ATP10B: variants seen among roughly 807,000 people sequenced by gnomAD.
The protein encoded by ATP10B is ATPase phospholipid transporting 10B (putative).
In ATP10B, 122 loss-of-function variants were observed where a neutral mutation model predicts 141.2. The observed-to-expected ratio is 0.86, with a 90% CI of 0.75 to 1.00. The LOEUF is 1.00. Among genes scored for constraint, ATP10B ranks in the 50% least tolerant of loss-of-function variants. The pLI is 0.00. For synonymous variants in ATP10B, 685 were observed against 692.0 expected, an observed-to-expected ratio of 0.99 and a Z score of 0.16; for missense variants, 1,876 against 1,825.3, an observed-to-expected ratio of 1.03 and a Z score of -0.51.
chr5:160,760,847 C>T (rs901087627), intron 2 of ATP10B, among the ~76,000 whole-genome samples: 5 of 152,170 alleles, frequency 3.3e-5, no homozygotes, highest in Non-Finnish European at 7.3e-5. Flanking sequence ...CCTTATCCCC[C>T]ACAGTGGCCG....
intron 8 of ATP10B, among the ~76,000 whole-genome samples, chr5:160,647,314 G>A (rs1254769209): frequency 1.3e-5 from 2 of 152,158 alleles, no homozygotes; most frequent in Non-Finnish European, 2.9e-5. Context: ...AGGCCTGAGG[G>A]TGTTCTTGCT....
At chr5:160,824,001 T>C (rs1774381187) in intron 1 of ATP10B, among the ~76,000 whole-genome samples, 1 of 152,086 alleles carries the variant, frequency 6.6e-6, no homozygotes, top group African/African-American at 2.4e-5. Context: ...ATATTTCCAG[T>C]ATTAGACATA....
chr5:160,895,765 T>C, the ATP10B span, among the ~76,000 whole-genome samples: 2 of 152,016 alleles, frequency 1.3e-5, no homozygotes, highest in African/African-American at 2.4e-5. Context: ...GCACCACATA[T>C]CACTTATTGT....
intron 2 of ATP10B, among the ~76,000 whole-genome samples, chr5:160,733,447 T>G (rs1766874756): frequency 6.6e-6 from 1 of 152,132 alleles, no homozygotes; most frequent in Middle Eastern, 3.4e-3. Context: ...AATTACAGAT[T>G]CAAGATGTTC....
chr5:160,841,380 T>C (rs1775799976), intron 1 of ATP10B, among the ~76,000 whole-genome samples: 1 of 152,172 alleles, frequency 6.6e-6, no homozygotes, highest in African/African-American at 2.4e-5. Flanking sequence ...GTACATCTAC[T>C]TATCTTTACA....
chr5:160,880,868 C>T, the ATP10B span, among the ~76,000 whole-genome samples: 4 of 152,198 alleles, frequency 2.6e-5, 1 homozygote, highest in South Asian at 6.2e-4. Context: ...ACCTAGATGA[C>T]CCCAGGTATG....
the ATP10B span, among the ~76,000 whole-genome samples, chr5:160,914,266 A>C: frequency 1.3e-5 from 2 of 152,136 alleles, no homozygotes; most frequent in African/African-American, 4.8e-5. Flanking sequence ...AGAGGTCATA[A>C]AACACTACCC....
At chr5:160,899,513 T>C in the ATP10B span, among the ~76,000 whole-genome samples, 7 of 152,140 alleles carry the variant, frequency 4.6e-5, no homozygotes, top group Non-Finnish European at 1.0e-4. Flanking sequence ...ACAAATTGTA[T>C]GTTTTTAATA....
chr5:160,723,445 C>A (rs529886158), intron 2 of ATP10B, among the ~76,000 whole-genome samples: 3 of 152,262 alleles, frequency 2.0e-5, no homozygotes, highest in South Asian at 4.1e-4. Flanking sequence ...CAATTCTAAG[C>A]ATTTTGCTTG....
chr5:160,826,711 A>T (rs539382371), intron 1 of ATP10B, among the ~76,000 whole-genome samples: 3 of 152,230 alleles, frequency 2.0e-5, no homozygotes, highest in African/African-American at 7.2e-5. Context: ...TTCTTTTCCT[A>T]GCAAGGAATA....
intron 2 of ATP10B, among the ~76,000 whole-genome samples, chr5:160,743,384 TGAGAA>T (rs1452438017): frequency 6.6e-6 from 1 of 152,154 alleles, no homozygotes; most frequent in Non-Finnish European, 1.5e-5. Flanking sequence ...TCATGCCTCT[TGAGAA>T]GAGAAAACCT....
intron 2 of ATP10B, among the ~76,000 whole-genome samples, chr5:160,736,955 A>G (rs553288582): frequency 6.6e-6 from 1 of 152,334 alleles, no homozygotes; most frequent in East Asian, 1.9e-4. Context: ...GACATATCGA[A>G]AGAAGAAACT....
the ATP10B span, among the ~76,000 whole-genome samples, chr5:160,897,039 A>G: frequency 1.3e-5 from 2 of 152,356 alleles, no homozygotes; most frequent in South Asian, 2.1e-4. Flanking sequence ...GATGGAATGT[A>G]TCTCAAAATA....
chr5:160,732,732 A>T (rs1471431105), intron 2 of ATP10B, among the ~76,000 whole-genome samples: 1 of 152,170 alleles, frequency 6.6e-6, no homozygotes, highest in Non-Finnish European at 1.5e-5. Flanking sequence ...AGGTAGTGGG[A>T]TGCCTCTAGC....
intron 3 of ATP10B, among the ~76,000 whole-genome samples, chr5:160,706,804 A>AT (rs1171597335): frequency 2.6e-5 from 4 of 152,116 alleles, no homozygotes; most frequent in African/African-American, 9.7e-5. Flanking sequence ...CACCTGGGTG[A>AT]TTTTTTCACT....
rs5872655 is a variant in ATP10B at position 160,669,608 on chromosome 5, CTTTTTT to C, written c.675+849_675+854del. 5.7e-3 allele frequency among the ~76,000 whole-genome samples: 485 copies of C among 84,970 alleles called. 2 individuals are homozygous for C. The highest frequency in any genetic ancestry group is 0.02 in the African/African-American group (453 of 22,816). The allele number at this position is 84,970 out of a possible 152,430, so 55.7% of individuals were successfully genotyped here. On this transcript the variant is annotated intron_variant, in intron 7 of 25. Coordinates refer to ENST00000327245, the MANE Select transcript of ATP10B (RefSeq NM_025153.3). Reference sequence around the variant, plus strand: ...TGACAGACTGAGAGCCAGTCTCTCTCTTTTTTTTTTTTTTTTTTTTTTGAGACGGAG... The same window carrying C: ...TGACAGACTGAGAGCCAGTCTCTCTCTTTTTTTTTTTTTTTTGAGACGGAG...
intron 5 of ATP10B, 81 bp from the exon 6 acceptor site, chr5:160,686,354 G>T: frequency 1.8e-6 from 2 of 1,127,420 alleles, no homozygotes; most frequent in Non-Finnish European, 1.2e-6. Flanking sequence ...CTACTGTTTG[G>T]CCTTGATCAA....
intron 1 of ATP10B, among the ~76,000 whole-genome samples, chr5:160,826,788 A>C (rs183963290): frequency 1.2e-3 from 187 of 152,244 alleles, no homozygotes; most frequent in African/African-American, 4.3e-3. Context: ...CCGCTCTAGG[A>C]GTGTCTGTCT....
At chr5:160,918,827 T>G in the ATP10B span, among the ~76,000 whole-genome samples, 4 of 152,092 alleles carry the variant, frequency 2.6e-5, no homozygotes, top group African/African-American at 9.7e-5. Context: ...GATGACAATC[T>G]TAGGCAAGGA....
Sources: allele counts gnomAD v4.1 joint callset (sites outside exome capture counted in the v4.1 genomes callset), GRCh38; gene constraint gnomAD v4.1.1; transcripts MANE v1.5; gene names NCBI Gene and HGNC (gene_info 2026-07-23, HGNC 2026-07-21).